The following DOCK8 variants were observed in gnomAD, a reference collection of about 807,000 sequenced individuals.
DOCK8 encodes dedicator of cytokinesis 8.
A neutral mutation model predicts 245.6 loss-of-function variants in DOCK8; 141 were observed. The observed-to-expected ratio is 0.57, with a 90% confidence interval of 0.50 to 0.66. The LOEUF (loss-of-function observed/expected upper bound fraction) is 0.66. DOCK8 is among the 30% of genes least tolerant of loss of function. The pLI, the probability that DOCK8 is intolerant of heterozygous loss-of-function variation, is 0.00. For missense variants in DOCK8, 2,965 were observed against 2,603.4 expected, an observed-to-expected ratio of 1.14 and a Z score of -3.02; for synonymous variants, 1,168 against 970.2, an observed-to-expected ratio of 1.20 and a Z score of -3.79.
At position 400,328 on chromosome 9, in the gene DOCK8, C is replaced by T. The variant is rs879413252; in HGVS notation, c.3234+1069C>T. On this transcript the variant is annotated intron_variant, in intron 26 of 47. Coordinates refer to ENST00000432829, the MANE Select transcript of DOCK8 (RefSeq NM_203447.4). ...TTCACCGTCACCACCACCTCCACCA[C>T]CACCACCTCCTCCACCACCACCACC... 2.1e-3 allele frequency among the ~76,000 whole-genome samples: 155 copies of T among 73,686 alleles called. 2 individuals carry two copies. The highest frequency in any genetic ancestry group is 2.7e-3 in the Non-Finnish European group (112 of 40,830). The allele number at this position is 73,686 out of a possible 152,430, so 48.3% of individuals were successfully genotyped here.
chr9:304,497 A>T, intron 4 of DOCK8, 84 bp from the exon 5 acceptor site: 1 of 1,567,250 alleles, frequency 6.4e-7, no homozygotes, highest in Non-Finnish European at 8.7e-7. Context: ...GTCTACACTT[A>T]AGCCATTACT....
intron 33 of DOCK8, among the ~76,000 whole-genome samples, 166 bp downstream of exon 33, chr9:422,301 T>C (rs1430827749): frequency 2.0e-5 from 3 of 152,134 alleles, no homozygotes; most frequent in African/African-American, 4.8e-5. Context: ...ATCAAAGGTA[T>C]AGGGAGTTGT....
intron 24 of DOCK8, 114 bp downstream of exon 24, chr9:390,680 C>T: frequency 1.1e-6 from 1 of 947,530 alleles, no homozygotes; most frequent in Non-Finnish European, 1.7e-6. Context: ...GGGGTGGTTT[C>T]TTGAAATCTA....
chr9:230,815 G>A (rs1563825008), intron 1 of DOCK8, among the ~76,000 whole-genome samples: 1 of 152,094 alleles, frequency 6.6e-6, no homozygotes, highest in African/African-American at 2.4e-5. Context: ...TTTGTCAGAT[G>A]AGTAGGTTGC....
At chr9:244,302 A>T (rs1479540748) in intron 1 of DOCK8, among the ~76,000 whole-genome samples, 1 of 151,866 alleles carries the variant, frequency 6.6e-6, no homozygotes, top group Admixed American at 6.6e-5. Context: ...ACGCACACAC[A>T]TATATACTGA....
intron 47 of DOCK8, among the ~76,000 whole-genome samples, chr9:463,903 G>A (rs1249948758): frequency 1.3e-5 from 2 of 152,172 alleles, no homozygotes; most frequent in Non-Finnish European, 1.5e-5. Flanking sequence ...CTTGGTGTTG[G>A]TCTTGTGCCA....
intron 26 of DOCK8, among the ~76,000 whole-genome samples, chr9:400,015 ACCACCACCT>A (rs2054693155): frequency 1.2e-5 from 1 of 81,530 alleles, no homozygotes; most frequent in African/African-American, 4.2e-5. Context: ...CTCCACCATC[ACCACCACCT>A]CCACCATCAC....
At chr9:369,960 C>A (rs545155473) in intron 15 of DOCK8, 131 of 471,246 alleles carry the variant, frequency 2.8e-4, no homozygotes, top group Middle Eastern at 6.1e-4. Flanking sequence ...TGCCACCACG[C>A]CTGGCTAATT....
At chr9:236,167 A>G (rs187393401) in intron 1 of DOCK8, among the ~76,000 whole-genome samples, 3 of 152,148 alleles carry the variant, frequency 2.0e-5, no homozygotes, top group East Asian at 1.9e-4. Context: ...TGTCCCACCA[A>G]CCTTAGTGTG....
chr9:223,898 T>G (rs2046935098), intron 1 of DOCK8, among the ~76,000 whole-genome samples: 1 of 152,240 alleles, frequency 6.6e-6, no homozygotes, highest in South Asian at 2.1e-4. Flanking sequence ...GGGGTGTGTG[T>G]GTATATGCAT....
upstream of DOCK8, chr9:213,390 G>A (rs1254250511): frequency 1.3e-5 from 2 of 152,084 alleles, no homozygotes; most frequent in Non-Finnish European, 2.9e-5. Flanking sequence ...TGTCCAATAG[G>A]AATATAATGA....
Position 407,010 on chromosome 9 carries a change from C to T in DOCK8, c.3471C>T (p.His1157=). 1 of 1,614,170 alleles carries T rather than the reference C, an allele frequency of 6.2e-7. No individual in the cohort carries two copies. Among genetic ancestry groups the T allele is most frequent in the South Asian group, 1.1e-5 (1 of 91,082 alleles). The change falls in exon 28 of 48, where the codon CAC becomes CAT. Residue 1157 remains histidine, a synonymous_variant. Transcript: ENST00000432829. ...FDLTSEYRQQ[H]FLTGLLFTEL... is the part of the protein sequence containing the mutation. ...TGACTTCCGAGTACCGCCAGCAGCACTTCCTCACCGGGCTCCTCTTCACAG... is the reference window on the plus strand; with the variant it reads ...TGACTTCCGAGTACCGCCAGCAGCATTTCCTCACCGGGCTCCTCTTCACAG...
At chr9:412,154 G>A (rs2055759586) in intron 28 of DOCK8, among the ~76,000 whole-genome samples, 1 of 152,106 alleles carries the variant, frequency 6.6e-6, no homozygotes. Flanking sequence ...TGTAATCCCA[G>A]CACTTTGGGA....
At chr9:448,654 G>A (rs1334511737) in intron 44 of DOCK8, among the ~76,000 whole-genome samples, 1 of 152,116 alleles carries the variant, frequency 6.6e-6, no homozygotes, top group African/African-American at 2.4e-5. Flanking sequence ...TCTTCTCCCT[G>A]TGTCTCTTCA....
intron 1 of DOCK8, among the ~76,000 whole-genome samples, chr9:234,706 G>T (rs940197038): frequency 3.3e-5 from 5 of 152,096 alleles, no homozygotes; most frequent in Non-Finnish European, 7.3e-5. Context: ...TGAGGCTTCT[G>T]CATTCATCAC....
At chr9:295,367 G>T (rs924651188) in intron 4 of DOCK8, among the ~76,000 whole-genome samples, 3 of 152,092 alleles carry the variant, frequency 2.0e-5, no homozygotes, top group African/African-American at 7.2e-5. Flanking sequence ...TGTAAAATCT[G>T]CCTTGGACCA....
At position 224,926 on chromosome 9, in the gene DOCK8, C is replaced by G. The variant is rs112657854; in HGVS notation, c.53+9897C>G. Among the ~76,000 whole-genome samples, 393 of 152,264 alleles carry G rather than the reference C, an allele frequency of 2.6e-3. 1 individual carries two copies. The highest frequency in any genetic ancestry group is 9.1e-3 in the African/African-American group (380 of 41,534). The stretch of plus-strand genomic sequence containing the variant: ...GATGGCCATCTGTTGTCTGTGAGAA[C>G]AAGACTATCACCCACCTGTTGACAT... On this transcript the variant is annotated intron_variant, in intron 1 of 47. Transcript: ENST00000432829.
rs1424731219 is a variant in DOCK8 at position 452,822 on chromosome 9, T to C, written c.6068+705T>C. The C allele has an allele frequency of 2.0e-5, 3 of 152,378 alleles. No homozygotes were observed. In the East Asian group the frequency reaches 5.8e-4, roughly 29 times the overall value. 9.4% of individuals were successfully genotyped at this position (152,378 alleles called of 1,614,324 possible). ...TCCTTAATTCTGCAGTGGAGCTGGC[T>C]TCAAGAGCAGTCAGTTAGGAACTGG... On this transcript the variant is annotated intron_variant, in intron 46 of 47. Coordinates refer to ENST00000432829, the MANE Select transcript of DOCK8 (RefSeq NM_203447.4).
intron 36 of DOCK8, among the ~76,000 whole-genome samples, chr9:430,424 G>C (rs2056666386): frequency 6.6e-6 from 1 of 151,238 alleles, no homozygotes. Flanking sequence ...GCTCATGTCT[G>C]TAATCCTAGC....
Sources: allele counts gnomAD v4.1 joint callset (sites outside exome capture counted in the v4.1 genomes callset), GRCh38; gene constraint gnomAD v4.1.1; transcripts MANE v1.5; gene names NCBI Gene and HGNC (gene_info 2026-07-23, HGNC 2026-07-21).